Variants in CIITA observed in about 807,000 individuals in gnomAD.
The protein encoded by CIITA is class II major histocompatibility complex transactivator, also known as MHC class II transactivator.
CIITA carries 72 observed loss-of-function variants against 115.1 expected under a neutral mutation model. That is an observed-to-expected ratio of 0.63 (90% confidence interval 0.52 to 0.76). The LOEUF (loss-of-function observed/expected upper bound fraction) is 0.76, where lower values mean the gene tolerates loss of function less well. CIITA is among the 30% of genes least tolerant of loss of function. CIITA has a pLI of 0.00. For missense variants in CIITA, 1,617 were observed against 1,463.8 expected (o/e 1.10, Z -1.71); for synonymous variants, 763 against 635.6 (o/e 1.20, Z -3.02).
chr16:10,890,864 C>T (rs1454989085), intron 1 of CIITA, among the ~76,000 whole-genome samples: 1 of 152,154 alleles, frequency 6.6e-6, no homozygotes, highest in Non-Finnish European at 1.5e-5. Flanking sequence ...TCCCCTAATC[C>T]TTGTGAGTTG....
Position 10,877,385 on chromosome 16 carries a change from A to T in CIITA, c.52+3A>T. On this transcript the variant is annotated splice_donor_region_variant and intron_variant, in intron 1 of 19. Transcript: ENST00000324288. Reference sequence around the variant, plus strand: ...GTCCTACCTGTCAGAGCCCCAAGGTAAAAAGGCCGGGAAAGCATCTTAATT... The same window carrying T: ...GTCCTACCTGTCAGAGCCCCAAGGTTAAAAGGCCGGGAAAGCATCTTAATT... 5 of 1,612,506 alleles carry T rather than the reference A, an allele frequency of 3.1e-6. No individual in the cohort carries two copies. Among genetic ancestry groups the T allele is most frequent in the Non-Finnish European group, 4.2e-6 (5 of 1,179,194 alleles).
In CIITA at chr16:10,931,705, G is replaced by A. The variant is rs2040802946; in HGVS notation, c.*7850G>A. ...CTAGCCTGGCCAACATGGCGAAACC[G>A]CGTCTCTACTAAAAACAAACAAACA... On this transcript the variant is annotated 3_prime_UTR_variant, in exon 20 of 20. Transcript: ENST00000324288. 6.6e-6 allele frequency: 1 copy of A among 152,120 alleles called. No homozygotes were observed. Among genetic ancestry groups the A allele is most frequent in the Non-Finnish European group, 1.5e-5 (1 of 68,034 alleles). The allele number at this position is 152,120 out of a possible 1,614,324, so 9.4% of individuals were successfully genotyped here.
At chr16:10,889,111 G>A (rs2037268389) in intron 1 of CIITA, among the ~76,000 whole-genome samples, 2 of 152,202 alleles carry the variant, frequency 1.3e-5, no homozygotes, top group Non-Finnish European at 1.5e-5. Context: ...CTGGGAGAAG[G>A]TGAGCTAGAG....
chr16:10,909,136 C>G lies in CIITA; in HGVS notation c.2765C>G (p.Ala922Gly). 6.2e-7 allele frequency: 1 copy of G among 1,614,192 alleles called. No homozygotes were observed. Residue 922 changes from alanine (A) to glycine (G), a missense_variant, in exon 12 of 20, where the codon GCC becomes GGC. Coordinates refer to ENST00000324288, the MANE Select transcript of CIITA (RefSeq NM_000246.4). Reference protein sequence around the residue: ...EEKFTIEPFKAKSLKDVEDLG... With the variant: ...EEKFTIEPFKGKSLKDVEDLG... ...AAGTTCACCATCGAGCCTTTCAAAG[C>G]CAAGTCCCTGAAGGATGTGGAAGAC...
intron 9 of CIITA, among the ~76,000 whole-genome samples, chr16:10,904,162 T>C (rs892460926): frequency 3.9e-5 from 6 of 152,144 alleles, no homozygotes; most frequent in Non-Finnish European, 8.8e-5. Context: ...TGTGGTCAGA[T>C]CTTTTGAAGT....
In CIITA at chr16:10,918,453, A is replaced by G; in HGVS notation, c.3076A>G (p.Asn1026Asp). 1 of 1,614,186 alleles carries G rather than the reference A, an allele frequency of 6.2e-7. No individual in the cohort carries two copies. Among genetic ancestry groups the G allele is most frequent in the East Asian group, 2.2e-5 (1 of 44,882 alleles). ...GTGTCCCCGCAGTCTGTCCCAGAACAACATCACTGACCTGGGTGCCTACAA... is the reference window on the plus strand; with the variant it reads ...GTGTCCCCGCAGTCTGTCCCAGAACGACATCACTGACCTGGGTGCCTACAA... ...SLETLNLSQNNITDLGAYKLA... is the reference protein window; with the variant it reads ...SLETLNLSQNDITDLGAYKLA... Residue 1026 changes from asparagine (N) to aspartate (D), a missense_variant, in exon 16 of 20, where the codon AAC becomes GAC. Coordinates refer to ENST00000324288, the MANE Select transcript of CIITA (RefSeq NM_000246.4).
In CIITA at chr16:10,909,117, A is replaced by G; in HGVS notation, c.2746A>G (p.Thr916Ala). The G allele has an allele frequency of 2.5e-6, 4 of 1,614,202 alleles. No homozygotes were observed. Among genetic ancestry groups the G allele is most frequent in the Non-Finnish European group, 2.5e-6 (3 of 1,180,046 alleles). ...KLLQAAEEKF[T>A]IEPFKAKSLK... ...ACTTCAGGCAGCAGAGGAGAAGTTC[A>G]CCATCGAGCCTTTCAAAGCCAAGTC... is the stretch of plus-strand genomic sequence containing the variant. Residue 916 changes from threonine to alanine, a missense_variant, in exon 12 of 20, where the codon ACC becomes GCC. Physicochemically the swap from Thr to Ala is moderately conservative, Grantham distance 58 (BLOSUM62 0). Coordinates refer to ENST00000324288, the MANE Select transcript of CIITA (RefSeq NM_000246.4).
rs748827233 is a variant in CIITA at position 10,907,350 on chromosome 16, C to T, written c.1858C>T (p.Leu620Phe). Reference protein sequence around the residue: ...SPTLCRAVCQLSEALLELGED... With the variant: ...SPTLCRAVCQFSEALLELGED... ...TACTTTGTGCCGGGCAGTGTGCCAGCTCTCAGAGGCCCTGCTGGAGCTTGG... is the reference window on the plus strand; with the variant it reads ...TACTTTGTGCCGGGCAGTGTGCCAGTTCTCAGAGGCCCTGCTGGAGCTTGG... The change falls in exon 11 of 20, where the codon CTC (leucine) becomes TTC (phenylalanine). Residue 620 changes from leucine (L) to phenylalanine (F), a missense_variant. By Grantham distance (22) the Leu-to-Phe change is conservative. Transcript: ENST00000324288. The surrounding 1 kb of genome is among the most constrained non-coding windows in gnomAD (Gnocchi z 5.0). 6.2e-7 allele frequency: 1 copy of T among 1,613,570 alleles called. No individual in the cohort carries two copies. The highest frequency in any genetic ancestry group is 2.2e-5 in the East Asian group (1 of 44,868).
At chr16:10,916,332 G>C (rs370296367) in intron 14 of CIITA, 35 bp from the exon 15 acceptor site, 2 of 1,603,448 alleles carry the variant, frequency 1.2e-6, no homozygotes, top group Admixed American at 3.3e-5. Flanking sequence ...GCCCCAGGAC[G>C]CTAGCTGATG....
rs2039885233 is a variant in CIITA at position 10,915,442 on chromosome 16, G to C, written c.2889-128G>C. ...AGGGTTGCAGGGACCTAAGAGGCTG[G>C]GGTGGAAGGGAAGAGGAGGGGCCTC... On this transcript the variant is annotated intron_variant, in intron 13 of 19. Coordinates refer to ENST00000324288, the MANE Select transcript of CIITA (RefSeq NM_000246.4). The C allele has an allele frequency of 9.3e-6, 7 of 750,768 alleles. No individual in the cohort carries two copies. The East Asian group carries it at 1.8e-4, about 19-fold the overall frequency. The allele number at this position is 750,768 out of a possible 1,614,324, so 46.5% of individuals were successfully genotyped here.
chr16:10,906,777 TG>T lies in CIITA; in HGVS notation c.1288del (p.Ala430LeufsTer4). ...LGKAGQGKSY[W>X]AGAVSRAWAC... is the part of the protein sequence containing the mutation. ...CAAAGCTGGTCAGGGCAAGAGCTAT[TG>T]GGCTGGGGCAGTGAGCCGGGCCTGG... is the stretch of plus-strand genomic sequence containing the variant. On this transcript the variant is annotated frameshift_variant, in exon 11 of 20. Coordinates refer to ENST00000324288, the MANE Select transcript of CIITA (RefSeq NM_000246.4). LOFTEE classifies it high-confidence loss of function. 6.2e-7 allele frequency: 1 copy of T among 1,611,624 alleles called. No homozygotes were observed. The highest frequency in any genetic ancestry group is 8.5e-7 in the Non-Finnish European group (1 of 1,179,960).
In CIITA at chr16:10,908,059, G is replaced by A. The variant is rs1567423663; in HGVS notation, c.2567G>A (p.Gly856Asp). Residue 856 changes from glycine (G) to aspartate (D), a missense_variant, in exon 11 of 20, where the codon GGC becomes GAC. Coordinates refer to ENST00000324288, the MANE Select transcript of CIITA (RefSeq NM_000246.4). The stretch of plus-strand genomic sequence containing the variant: ...CTGGGCAAGGCCTTGGAGGCGGCGG[G>A]CCAAGACTTCTCCCTGGACCTCCGC... ...HVLGKALEAA[G>D]QDFSLDLRST... 1.2e-6 allele frequency: 2 copies of A among 1,613,172 alleles called. No individual in the cohort carries two copies. Among genetic ancestry groups the A allele is most frequent in the South Asian group, 1.1e-5 (1 of 90,982 alleles).
In CIITA at chr16:10,942,425, G is replaced by A; in HGVS notation, n.1551G>A. ...CACCCCCCGCGCCCCCGCAGGCCCAGCACCCATGGCTGCGGCCGCCGCGTA... is the reference window on the plus strand; with the variant it reads ...CACCCCCCGCGCCCCCGCAGGCCCAACACCCATGGCTGCGGCCGCCGCGTA... On this transcript the variant is annotated non_coding_transcript_exon_variant, in exon 2 of 2. Transcript: ENST00000573379. The surrounding 1 kb of genome is among the most constrained non-coding windows in gnomAD (Gnocchi z 5.0). The A allele has an allele frequency of 6.4e-6, 1 of 156,808 alleles. No individual in the cohort carries two copies. The highest frequency in any genetic ancestry group is 1.4e-5 in the Non-Finnish European group (1 of 71,222). 9.7% of individuals were successfully genotyped at this position (156,808 alleles called of 1,614,324 possible).
intron 1 of CIITA, among the ~76,000 whole-genome samples, chr16:10,867,548 GGAAA>G (rs984390937): frequency 2.0e-5 from 3 of 151,784 alleles, no homozygotes; most frequent in African/African-American, 4.8e-5. Flanking sequence ...AGAAGGTGGG[GGAAA>G]GAAAGAGAGA....
intron 16 of CIITA, among the ~76,000 whole-genome samples, 155 bp downstream of exon 16, chr16:10,918,681 C>G (rs1278952677): frequency 2.0e-5 from 3 of 152,248 alleles, no homozygotes; most frequent in African/African-American, 7.2e-5. Context: ...GAAAGAAACT[C>G]TGAGCAAGTC....
chr16:10,902,046 C>A lies in CIITA; in HGVS notation c.490C>A (p.Pro164Thr). Reference protein sequence around the residue: ...DLKHWKPAEPPTVVTGSLLVG... With the variant: ...DLKHWKPAEPTTVVTGSLLVG... The stretch of plus-strand genomic sequence containing the variant: ...AGCCCACTTCCTCACAGCTGAGCCC[C>A]CCACTGTGGTGACTGGCAGTCTCCT... The change falls in exon 7 of 20, where the codon CCC (proline) becomes ACC (threonine). Residue 164 changes from proline (P) to threonine (T), a missense_variant. Transcript: ENST00000324288. 1.2e-6 allele frequency: 2 copies of A among 1,614,120 alleles called. No homozygotes were observed. Among genetic ancestry groups the A allele is most frequent in the Non-Finnish European group, 1.7e-6 (2 of 1,180,036 alleles).
rs761922439 is a variant in CIITA at position 10,922,256 on chromosome 16, T to C, written c.3233+6T>C. ...GTGTCCCTCCGGGTGATGGAGTGAGTGTGGGAGTCTGGGCGGTGGGTGGCT... is the reference window on the plus strand; with the variant it reads ...GTGTCCCTCCGGGTGATGGAGTGAGCGTGGGAGTCTGGGCGGTGGGTGGCT... On this transcript the variant is annotated splice_donor_region_variant and intron_variant, in intron 17 of 19. Coordinates refer to ENST00000324288, the MANE Select transcript of CIITA (RefSeq NM_000246.4). 1.9e-6 allele frequency: 3 copies of C among 1,613,136 alleles called. No individual in the cohort carries two copies. In the East Asian group the frequency reaches 6.7e-5, roughly 36 times the overall value.
At chr16:10,893,804 T>TTAAAAAAAAA (rs2037834745) in intron 1 of CIITA, among the ~76,000 whole-genome samples, 1 of 32,178 alleles carries the variant, frequency 3.1e-5, no homozygotes, top group Non-Finnish European at 5.5e-5. Context: ...GACTCCGTCT[T>TTAAAAAAAAA]AAAAAAAAAA....
chr16:10,877,079 G>A, upstream of CIITA: 1 of 602,248 alleles, frequency 1.7e-6, no homozygotes, highest in Non-Finnish European at 3.0e-6. Context: ...AAAATTAGAG[G>A]GTGTTCAGAA....
Sources: allele counts gnomAD v4.1 joint callset (sites outside exome capture counted in the v4.1 genomes callset), GRCh38; gene constraint gnomAD v4.1.1; non-coding constraint Gnocchi (gnomAD v3.1); transcripts MANE v1.5; gene names NCBI Gene and HGNC (gene_info 2026-07-23, HGNC 2026-07-21).